The following OSBPL10 variants were observed in gnomAD, a reference collection of about 807,000 sequenced individuals.
OSBPL10 encodes the protein oxysterol-binding protein-related protein 10.
OSBPL10 carries 49 observed loss-of-function variants against 81.7 expected under a neutral mutation model. The ratio of observed to expected loss-of-function variants is 0.60; its 90% CI spans 0.48 to 0.76. The LOEUF is 0.76. OSBPL10 is among the 30% of genes least tolerant of loss of function. The probability of loss-of-function intolerance (pLI) is 0.00; values close to 1 mark genes in which losing one functional copy is unlikely to be tolerated. For missense variants in OSBPL10, 923 were observed against 987.8 expected, an observed-to-expected ratio of 0.93 and a Z score of 0.88; for synonymous variants, 419 against 383.6, an observed-to-expected ratio of 1.09 and a Z score of -1.08.
At chr3:32,076,718 G>T (rs957771653) in intron 1 of OSBPL10, among the ~76,000 whole-genome samples, 1 of 152,138 alleles carries the variant, frequency 6.6e-6, no homozygotes. Flanking sequence ...AGCATTCAGG[G>T]ATCAGAGTTT....
At chr3:31,979,325 G>A (rs1698766063) in intron 1 of OSBPL10, among the ~76,000 whole-genome samples, 1 of 152,126 alleles carries the variant, frequency 6.6e-6, no homozygotes. Flanking sequence ...ACATCTCCCA[G>A]GAAGCCCAGG....
chr3:31,699,960 G>C, intron 7 of OSBPL10, among the ~76,000 whole-genome samples: 1 of 152,132 alleles, frequency 6.6e-6, no homozygotes, highest in Non-Finnish European at 1.5e-5. Context: ...TAATGACATG[G>C]ACAACTGCCA....
intron 3 of OSBPL10, among the ~76,000 whole-genome samples, chr3:31,871,135 C>G (rs1701313373): frequency 2.0e-5 from 3 of 152,188 alleles, no homozygotes; most frequent in African/African-American, 7.2e-5. Context: ...CCCTTCTGCA[C>G]TGTAGAAGGT....
At chr3:31,803,438 T>C (rs1350501258) in intron 4 of OSBPL10, among the ~76,000 whole-genome samples, 2 of 152,200 alleles carry the variant, frequency 1.3e-5, no homozygotes, top group East Asian at 1.9e-4. Context: ...ACCATCTTCC[T>C]TCAAACCAAA....
intron 1 of OSBPL10, among the ~76,000 whole-genome samples, chr3:31,922,324 C>T (rs940512218): frequency 6.6e-6 from 1 of 152,148 alleles, no homozygotes; most frequent in Non-Finnish European, 1.5e-5. Context: ...CCAATCAGTT[C>T]TTCTATAAAC....
chr3:31,881,051 C>A (rs1199151306), intron 1 of OSBPL10, among the ~76,000 whole-genome samples: 1 of 152,200 alleles, frequency 6.6e-6, no homozygotes, highest in Non-Finnish European at 1.5e-5. Flanking sequence ...GTTCCTACCC[C>A]TTCTTGCCGT....
At chr3:31,692,529 C>A (rs570668575) in intron 7 of OSBPL10, among the ~76,000 whole-genome samples, 4 of 152,202 alleles carry the variant, frequency 2.6e-5, no homozygotes, top group South Asian at 4.2e-4. Flanking sequence ...CCCAGAGCAA[C>A]CCCGAGACCA....
At chr3:31,779,673 G>A (rs368823012) in intron 4 of OSBPL10, among the ~76,000 whole-genome samples, 1 of 152,158 alleles carries the variant, frequency 6.6e-6, no homozygotes, top group East Asian at 1.9e-4. Flanking sequence ...AACAAACAAT[G>A]GACTTAAACT....
At chr3:31,947,571 C>T (rs369696346) in intron 1 of OSBPL10, among the ~76,000 whole-genome samples, 2 of 152,108 alleles carry the variant, frequency 1.3e-5, no homozygotes, top group Admixed American at 6.5e-5. Flanking sequence ...ACAATTCCTG[C>T]GACAGCACTG....
intron 2 of OSBPL10, among the ~76,000 whole-genome samples, chr3:31,993,273 G>A (rs910823179): frequency 2.0e-5 from 3 of 151,412 alleles, no homozygotes; most frequent in South Asian, 4.2e-4. Context: ...GCAATGGCAC[G>A]ATCTCAGCTC....
intron 4 of OSBPL10, among the ~76,000 whole-genome samples, chr3:31,814,583 G>T (rs911910275): frequency 6.6e-5 from 10 of 152,172 alleles, no homozygotes; most frequent in African/African-American, 2.2e-4. Flanking sequence ...ATGAACCACA[G>T]AACAGCAAGG....
chr3:31,964,577 T>C (rs532735732), intron 1 of OSBPL10, among the ~76,000 whole-genome samples: 6 of 152,346 alleles, frequency 3.9e-5, no homozygotes, highest in African/African-American at 7.2e-5. Flanking sequence ...GTAAATAACA[T>C]CTTTACATTA....
At chr3:31,947,829 T>C (rs1697745609) in intron 1 of OSBPL10, among the ~76,000 whole-genome samples, 1 of 151,270 alleles carries the variant, frequency 6.6e-6, no homozygotes, top group Non-Finnish European at 1.5e-5. Context: ...GAGGAAGTGC[T>C]CTCAGGATCC....
chr3:31,936,084 C>T (rs1559524495), intron 1 of OSBPL10, among the ~76,000 whole-genome samples: 1 of 152,174 alleles, frequency 6.6e-6, no homozygotes, highest in Admixed American at 6.5e-5. Flanking sequence ...ATGTAACTCC[C>T]CTCTGTTCTA....
chr3:31,863,899 T>C (rs918989721), intron 3 of OSBPL10, among the ~76,000 whole-genome samples: 1 of 152,174 alleles, frequency 6.6e-6, no homozygotes, highest in East Asian at 1.9e-4. Context: ...CCAACACCAC[T>C]ACTACTAATA....
intron 1 of OSBPL10, among the ~76,000 whole-genome samples, chr3:31,892,720 A>C (rs1695933172): frequency 6.6e-6 from 1 of 152,026 alleles, no homozygotes; most frequent in African/African-American, 2.4e-5. Flanking sequence ...GGAGAGGGAG[A>C]GGGCGAGGGT....
chr3:31,732,207 C>A (rs1450785914), intron 6 of OSBPL10, among the ~76,000 whole-genome samples: 1 of 152,152 alleles, frequency 6.6e-6, no homozygotes, highest in Non-Finnish European at 1.5e-5. Context: ...TTCAAAAATC[C>A]ACAGCCACTA....
chr3:31,919,236 T>C (rs1408471625), intron 1 of OSBPL10, among the ~76,000 whole-genome samples: 3 of 152,218 alleles, frequency 2.0e-5, no homozygotes, highest in African/African-American at 7.2e-5. Context: ...TTAGTATTAA[T>C]GTAAATAAGT....
intron 5 of OSBPL10, among the ~76,000 whole-genome samples, chr3:31,740,288 C>T (rs376240898): frequency 6.6e-5 from 10 of 152,066 alleles, no homozygotes; most frequent in Admixed American, 1.3e-4. Context: ...GTGATCCACC[C>T]GCCTCGGCCT....
Sources: allele counts gnomAD v4.1 joint callset (sites outside exome capture counted in the v4.1 genomes callset), GRCh38; gene constraint gnomAD v4.1.1; transcripts MANE v1.5; gene names NCBI Gene and HGNC (gene_info 2026-07-23, HGNC 2026-07-21).